ANO1: variants seen among roughly 807,000 people sequenced by gnomAD.
ANO1 encodes the protein anoctamin-1.
A neutral mutation model predicts 124.0 loss-of-function variants in ANO1; 59 were observed. That is an observed-to-expected ratio of 0.48 (90% confidence interval 0.39 to 0.59). The LOEUF (loss-of-function observed/expected upper bound fraction) is 0.59. ANO1 is among the 20% of genes least tolerant of loss of function. The probability of loss-of-function intolerance (pLI) is 0.00; values close to 1 mark genes in which losing one functional copy is unlikely to be tolerated. For synonymous variants in ANO1, 529 were observed against 532.0 expected, an observed-to-expected ratio of 0.99 and a Z score of 0.08; for missense variants, 1,059 against 1,328.0, an observed-to-expected ratio of 0.80 and a Z score of 3.15.
chr11:70,165,049 A>G lies in ANO1; in HGVS notation c.1951-421A>G, dbSNP rs190970287. ...TCTGAAGGTCGGAAGTGCAACATCCAGGTGTTAGCCGGGCTGTGTTCCCTT... is the reference window on the plus strand; with the variant it reads ...TCTGAAGGTCGGAAGTGCAACATCCGGGTGTTAGCCGGGCTGTGTTCCCTT... On this transcript the variant is annotated intron_variant, in intron 19 of 25. Coordinates refer to ENST00000355303, the MANE Select transcript of ANO1 (RefSeq NM_018043.7). Among the ~76,000 whole-genome samples the G allele has an allele frequency of 5.1e-4, 77 of 152,242 alleles. 1 individual carries two copies. The East Asian group carries it at 0.013, about 26-fold the overall frequency.
chr11:70,132,120 G>T, intron 11 of ANO1, 41 bp downstream of exon 11: 1 of 1,545,158 alleles, frequency 6.5e-7, no homozygotes, highest in Admixed American at 1.9e-5. Context: ...GGGCAGTGGT[G>T]AGTCTGAGTG....
intron 14 of ANO1, among the ~76,000 whole-genome samples, chr11:70,153,527 C>T (rs3781661): frequency 0.12 from 17,496 of 152,104 alleles, 1,197 homozygotes; most frequent in South Asian, 0.23. Context: ...TGTTCTATGC[C>T]GAGCAATGAA....
At chr11:70,163,020 CCCGCTG>C (rs2048117959) in intron 18 of ANO1, among the ~76,000 whole-genome samples, 1 of 152,282 alleles carries the variant, frequency 6.6e-6, no homozygotes, top group East Asian at 1.9e-4. Flanking sequence ...TGGGCCCCTT[CCCGCTG>C]CCTCTCAGTC....
chr11:70,046,834 G>A lies in ANO1; in HGVS notation c.59-31708G>A, dbSNP rs569178324. 5.9e-5 allele frequency among the ~76,000 whole-genome samples: 9 copies of A among 152,248 alleles called. No individual in the cohort carries two copies. The East Asian group carries it at 1.5e-3, about 26-fold the overall frequency. The stretch of plus-strand genomic sequence containing the variant: ...CACACCCATAATCCCAGCACTTTGG[G>A]AGGCTGAGATGGGAGGATCACCTGA... On this transcript the variant is annotated intron_variant, in intron 1 of 27. Coordinates refer to the ANO1 transcript ENST00000531349.
In ANO1 at chr11:70,180,039, C is replaced by T. The variant is rs1011257380; in HGVS notation, c.2386C>T (p.Leu796Phe). ...WYNILRGIGK[L>F]AVIINAFVIS... ...CAATATCCTCAGAGGCATTGGGAAG[C>T]TTGCTGTCATCATCAATGTAAGTGA... Residue 796 changes from leucine to phenylalanine, a missense_variant, in exon 23 of 26, where the codon CTT becomes TTT. Coordinates refer to ENST00000355303, the MANE Select transcript of ANO1 (RefSeq NM_018043.7). 2.2e-5 allele frequency: 36 copies of T among 1,613,104 alleles called. No homozygotes were observed. The highest frequency in any genetic ancestry group is 3.0e-5 in the Non-Finnish European group (35 of 1,179,228).
chr11:70,095,795 C>A (rs1198693419), intron 2 of ANO1, among the ~76,000 whole-genome samples: 1 of 152,256 alleles, frequency 6.6e-6, no homozygotes, highest in East Asian at 1.9e-4. Flanking sequence ...CTTGCACCAG[C>A]CCCATGTGCC....
intron 1 of ANO1, among the ~76,000 whole-genome samples, chr11:70,029,275 C>G (rs1038838271): frequency 6.6e-6 from 1 of 152,228 alleles, no homozygotes; most frequent in African/African-American, 2.4e-5. Flanking sequence ...GCACCCTCTT[C>G]CCTCTGCACA....
intron 1 of ANO1, among the ~76,000 whole-genome samples, chr11:69,999,610 G>A (rs1347017664): frequency 7.9e-5 from 12 of 152,142 alleles, no homozygotes; most frequent in African/African-American, 2.9e-4. Flanking sequence ...CGCACCATCT[G>A]GCCCTCCTCA....
At position 70,059,643 on chromosome 11, in the gene ANO1, G is replaced by A. The variant is rs139541571; in HGVS notation, c.59-18899G>A. On this transcript the variant is annotated intron_variant, in intron 1 of 27. Coordinates refer to the ANO1 transcript ENST00000531349. ...CCTGAGAAAGCCTTGGGGGCTAGTG[G>A]CATGGCAGGCAGAACATTGAGAGGT... Among the ~76,000 whole-genome samples, 710 of 152,294 alleles carry A rather than the reference G, an allele frequency of 4.7e-3. 4 individuals are homozygous for A. Among genetic ancestry groups the A allele is most frequent in the African/African-American group, 0.016 (669 of 41,562 alleles).
rs546056299 is a variant in ANO1, at chr11:70,161,863, G to T, written c.1892+130G>T. On this transcript the variant is annotated intron_variant, in intron 18 of 25. Coordinates refer to ENST00000355303, the MANE Select transcript of ANO1 (RefSeq NM_018043.7). The stretch of plus-strand genomic sequence containing the variant: ...CACCGTGGCACCCGCAGCCAAAGAG[G>T]GTCAGGGAGAAGGCCTGGGCCCTGC... 97 of 857,598 alleles carry T rather than the reference G, an allele frequency of 1.1e-4. No individual in the cohort carries two copies. The African/African-American group carries it at 1.2e-3, about 11-fold the overall frequency. The allele number at this position is 857,598 out of a possible 1,614,324, so 53.1% of individuals were successfully genotyped here.
At chr11:70,123,221 C>T (rs1439352823) in intron 8 of ANO1, among the ~76,000 whole-genome samples, 1 of 152,204 alleles carries the variant, frequency 6.6e-6, no homozygotes, top group Non-Finnish European at 1.5e-5. Flanking sequence ...CCATGCTTAG[C>T]TGCAGGTGAG....
intron 1 of ANO1, among the ~76,000 whole-genome samples, chr11:70,009,307 G>T (rs116906196): frequency 1.3e-5 from 2 of 152,180 alleles, no homozygotes; most frequent in African/African-American, 4.8e-5. Flanking sequence ...CTTTCTCGGG[G>T]AGGGAGGATA....
rs568578953 is a variant in ANO1 at position 70,014,631 on chromosome 11, C to T, written c.58+28465C>T. On this transcript the variant is annotated intron_variant, in intron 1 of 27. Coordinates refer to the ANO1 transcript ENST00000531349. ...GGTCTTGTGAAGGTCTCTTGGGGAA[C>T]GTCTGGGAACACTCCTGTTGAGAGT... 2.3e-3 allele frequency among the ~76,000 whole-genome samples: 343 copies of T among 152,090 alleles called. 2 individuals are homozygous for T. The highest frequency in any genetic ancestry group is 3.6e-3 in the Non-Finnish European group (245 of 67,988).
At chr11:70,030,985 T>A (rs1856990319) in intron 1 of ANO1, among the ~76,000 whole-genome samples, 1 of 152,146 alleles carries the variant, frequency 6.6e-6, no homozygotes. Flanking sequence ...CACTCTGTCA[T>A]CCAGGCTGGA....
Position 70,187,825 on chromosome 11 carries a change from G to T in ANO1, c.2782G>T (p.Val928Leu). ...CAGCCAGCAGATCCACAAGGAGAAG[G>T]TGCTCATGGTGGAGCTGTTCATGCG... is the stretch of plus-strand genomic sequence containing the variant. ...DISQQIHKEK[V>L]LMVELFMREE... The change falls in exon 26 of 26, where the codon GTG becomes TTG. Residue 928 changes from valine to leucine, a missense_variant. Physicochemically the swap from Val to Leu is conservative, Grantham distance 32. Coordinates refer to ENST00000355303, the MANE Select transcript of ANO1 (RefSeq NM_018043.7). The T allele has an allele frequency of 5.0e-6, 8 of 1,609,182 alleles. No homozygotes were observed. Among genetic ancestry groups the T allele is most frequent in the Non-Finnish European group, 6.8e-6 (8 of 1,178,008 alleles).
intron 16 of ANO1, 37 bp downstream of exon 16, chr11:70,157,058 G>A: frequency 4.4e-6 from 7 of 1,582,688 alleles, no homozygotes; most frequent in Non-Finnish European, 6.1e-6. Context: ...CGAAGTCAGG[G>A]GAAACCGCAA....
At chr11:70,071,876 A>G (rs782388564) in intron 1 of ANO1, among the ~76,000 whole-genome samples, 19 of 151,982 alleles carry the variant, frequency 1.3e-4, no homozygotes, top group Admixed American at 2.6e-4. Flanking sequence ...CCTCCACTTC[A>G]GCCTCCCAAA....
At chr11:69,972,916 C>CT in the ANO1 span, among the ~76,000 whole-genome samples, 52 of 146,256 alleles carry the variant, frequency 3.6e-4, no homozygotes, top group South Asian at 1.5e-3. Context: ...CTTTTTCTTT[C>CT]TTTTTTTTTT....
intron 1 of ANO1, among the ~76,000 whole-genome samples, chr11:70,065,787 G>A (rs1185959947): frequency 5.3e-5 from 8 of 152,096 alleles, no homozygotes; most frequent in East Asian, 1.9e-4. Flanking sequence ...TGGCTGTGCC[G>A]CTGCCTGCAA....
Sources: gnomAD v4.1 joint callset for allele counts (sites outside exome capture counted in the v4.1 genomes callset) on GRCh38, gnomAD v4.1.1 for gene constraint, MANE v1.5 for transcripts, NCBI Gene and HGNC (gene_info 2026-07-23, HGNC 2026-07-21) for gene names.